C1orf21: variants seen among roughly 807,000 people sequenced by gnomAD.
C1orf21 encodes the protein chromosome 1 open reading frame 21.
In C1orf21, 3 loss-of-function variants were observed where a neutral mutation model predicts 18.7. The observed-to-expected ratio is 0.16, with a 90% CI of 0.07 to 0.42. The LOEUF (loss-of-function observed/expected upper bound fraction) is 0.42. Among genes scored for constraint, C1orf21 ranks in the 10% least tolerant of loss-of-function variants. The pLI is 0.99. For missense variants in C1orf21, 104 were observed against 143.6 expected (o/e 0.72, Z 1.41); for synonymous variants, 41 against 46.4 (o/e 0.88, Z 0.47).
At chr1:184,541,534 G>T (rs1658651069) in intron 3 of C1orf21, among the ~76,000 whole-genome samples, 1 of 152,152 alleles carries the variant, frequency 6.6e-6, no homozygotes, top group African/African-American at 2.4e-5. Context: ...TGACAGATAT[G>T]GATATATATC....
At chr1:184,573,198 C>T (rs1406195388) in intron 3 of C1orf21, among the ~76,000 whole-genome samples, 1 of 152,166 alleles carries the variant, frequency 6.6e-6, no homozygotes, top group Non-Finnish European at 1.5e-5. Flanking sequence ...GCACTTGCAG[C>T]TGCAGCGTTT....
rs1031435690 is a variant in C1orf21, at chr1:184,628,243, G to A, written c.*8687G>A. On this transcript the variant is annotated 3_prime_UTR_variant, in exon 6 of 6. Coordinates refer to ENST00000235307, the MANE Select transcript of C1orf21 (RefSeq NM_030806.4). ...ACACATGCCTGTCAGCAAAAACTTC[G>A]TGAGATGCACTCTCTCTGTGTGTTT... is the stretch of plus-strand genomic sequence containing the variant. 5.3e-5 allele frequency: 8 copies of A among 152,270 alleles called. No individual in the cohort carries two copies. The highest frequency in any genetic ancestry group is 6.8e-3 in the Middle Eastern group (2 of 294). The allele number at this position is 152,270 out of a possible 1,614,324, so 9.4% of individuals were successfully genotyped here.
chr1:184,461,281 G>T (rs1040951609), intron 1 of C1orf21, among the ~76,000 whole-genome samples: 2 of 152,212 alleles, frequency 1.3e-5, no homozygotes, highest in Non-Finnish European at 2.9e-5. Context: ...CTAATAAGGG[G>T]TGGTTGAGTT....
At chr1:184,463,082 CAAAAAAA>C (rs397982231) in intron 1 of C1orf21, among the ~76,000 whole-genome samples, 2 of 80,300 alleles carry the variant, frequency 2.5e-5, no homozygotes, top group African/African-American at 4.3e-5. Flanking sequence ...GACTCCATCT[CAAAAAAA>C]AAAAAAAAAA....
chr1:184,491,631 C>T (rs1283552624), intron 2 of C1orf21, among the ~76,000 whole-genome samples: 1 of 152,202 alleles, frequency 6.6e-6, no homozygotes, highest in Non-Finnish European at 1.5e-5. Flanking sequence ...GGATTACAGG[C>T]ATGAGCCACT....
chr1:184,553,944 C>G (rs1383815183), intron 3 of C1orf21, among the ~76,000 whole-genome samples: 3 of 152,186 alleles, frequency 2.0e-5, no homozygotes, highest in Admixed American at 2.0e-4. Context: ...GTAACAGACA[C>G]TAGGCTTAAG....
At chr1:184,544,454 T>C (rs962071973) in intron 3 of C1orf21, among the ~76,000 whole-genome samples, 2 of 152,230 alleles carry the variant, frequency 1.3e-5, no homozygotes, top group Non-Finnish European at 2.9e-5. Flanking sequence ...CCATTTAGTT[T>C]AGCAAACATT....
At chr1:184,409,717 A>T (rs1656303483) in intron 1 of C1orf21, among the ~76,000 whole-genome samples, 1 of 150,148 alleles carries the variant, frequency 6.7e-6, no homozygotes, top group Admixed American at 6.7e-5. Context: ...ATTAAATGTT[A>T]TCATGACTCC....
chr1:184,444,711 C>G (rs1023470712), intron 1 of C1orf21, among the ~76,000 whole-genome samples: 2 of 152,046 alleles, frequency 1.3e-5, no homozygotes, highest in East Asian at 3.9e-4. Context: ...ATCCTTCTGT[C>G]CATCTCACAA....
chr1:184,537,630 G>A (rs1453033451), intron 3 of C1orf21, among the ~76,000 whole-genome samples: 1 of 152,008 alleles, frequency 6.6e-6, no homozygotes, highest in African/African-American at 2.4e-5. Context: ...ATCTCTTCAA[G>A]ACCCTAATTT....
intron 3 of C1orf21, chr1:184,568,571 G>C (rs1659066649): frequency 5.2e-6 from 2 of 382,776 alleles, no homozygotes; most frequent in Admixed American, 3.2e-5. Context: ...AAGATATTTA[G>C]AGTAAAATGA....
At chr1:184,585,983 C>T (rs1458159418) in intron 3 of C1orf21, among the ~76,000 whole-genome samples, 1 of 152,076 alleles carries the variant, frequency 6.6e-6, no homozygotes. Context: ...GGTATATAAT[C>T]GGTAATGGGA....
intron 3 of C1orf21, among the ~76,000 whole-genome samples, chr1:184,530,600 CTTTTTT>C (rs1184327589): frequency 9.0e-6 from 1 of 111,464 alleles, no homozygotes; most frequent in South Asian, 3.0e-4. Context: ...TTTCTTTTTT[CTTTTTT>C]TTTTTTTTTT....
At chr1:184,518,633 A>G (rs1162954626) in intron 3 of C1orf21, among the ~76,000 whole-genome samples, 1 of 152,128 alleles carries the variant, frequency 6.6e-6, no homozygotes, top group African/African-American at 2.4e-5. Context: ...TTTCTCTTCT[A>G]CATGCTCAAC....
chr1:184,389,589 A>G (rs981387620), intron 1 of C1orf21, among the ~76,000 whole-genome samples: 8 of 152,138 alleles, frequency 5.3e-5, no homozygotes, highest in Non-Finnish European at 7.3e-5. Flanking sequence ...ACTATTTGCT[A>G]TGACTTATTC....
intron 4 of C1orf21, among the ~76,000 whole-genome samples, chr1:184,591,961 A>G (rs1011510192): frequency 6.6e-6 from 1 of 152,220 alleles, no homozygotes; most frequent in Admixed American, 6.5e-5. Flanking sequence ...GCAGCGATAC[A>G]TGCCTACATG....
chr1:184,512,581 C>G (rs1000300699), intron 3 of C1orf21, among the ~76,000 whole-genome samples: 1 of 152,208 alleles, frequency 6.6e-6, no homozygotes, highest in Non-Finnish European at 1.5e-5. Flanking sequence ...TTGCTTCTCT[C>G]AGACTTTAAT....
intron 5 of C1orf21, among the ~76,000 whole-genome samples, chr1:184,601,422 T>C (rs564488758): frequency 6.6e-6 from 1 of 152,342 alleles, no homozygotes; most frequent in East Asian, 1.9e-4. Context: ...ACCATTAGTA[T>C]ACAGAAACCA....
intron 3 of C1orf21, among the ~76,000 whole-genome samples, chr1:184,514,535 T>C (rs1224511741): frequency 2.6e-5 from 4 of 152,054 alleles, no homozygotes; most frequent in South Asian, 4.1e-4. Flanking sequence ...TACAGGAAAA[T>C]AGGTATTCAA....
Sources: gnomAD v4.1 joint callset for allele counts (sites outside exome capture counted in the v4.1 genomes callset) on GRCh38, gnomAD v4.1.1 for gene constraint, MANE v1.5 for transcripts, NCBI Gene and HGNC (gene_info 2026-07-23, HGNC 2026-07-21) for gene names.